The following GFI1B variants were observed in gnomAD, a reference collection of about 807,000 sequenced individuals.
The protein encoded by GFI1B is zinc finger protein Gfi-1b.
A neutral mutation model predicts 35.3 loss-of-function variants in GFI1B; 20 were observed. The observed-to-expected ratio is 0.57, with a 90% CI of 0.40 to 0.82. The LOEUF is 0.82. Among genes scored for constraint, GFI1B ranks in the 40% least tolerant of loss-of-function variants. The pLI, the probability that GFI1B is intolerant of heterozygous loss-of-function variation, is 0.00. For missense variants in GFI1B, 430 were observed against 446.3 expected (o/e 0.96, Z 0.33); for synonymous variants, 178 against 177.6 (o/e 1.00, Z -0.02).
intron 1 of GFI1B, among the ~76,000 whole-genome samples, chr9:132,968,291 AT>A (rs1340726813): frequency 6.6e-6 from 1 of 150,542 alleles, no homozygotes; most frequent in East Asian, 2.0e-4. Flanking sequence ...TTAAAGAAAA[AT>A]TTTTTTTTTA....
chr9:132,984,314 G>A (rs1476875652), intron 1 of GFI1B, among the ~76,000 whole-genome samples: 1 of 152,132 alleles, frequency 6.6e-6, no homozygotes, highest in Non-Finnish European at 1.5e-5. Flanking sequence ...GAAGGAAGGG[G>A]GGTGTGGGGA....
chr9:132,949,043 C>G (rs1848161559), intron 1 of GFI1B, among the ~76,000 whole-genome samples: 2 of 152,202 alleles, frequency 1.3e-5, no homozygotes, highest in Admixed American at 1.3e-4. Context: ...AATGGTTTCC[C>G]CCACTCACTT....
At chr9:132,971,899 G>A (rs1188051420) in intron 1 of GFI1B, among the ~76,000 whole-genome samples, 1 of 151,628 alleles carries the variant, frequency 6.6e-6, no homozygotes, top group African/African-American at 2.4e-5. Context: ...ACTTGAACCA[G>A]GGAGGCAGAG....
chr9:132,993,078 G>A (rs1564183228), downstream of GFI1B, among the ~76,000 whole-genome samples: 1 of 152,138 alleles, frequency 6.6e-6, no homozygotes, highest in Non-Finnish European at 1.5e-5. Context: ...CAGATCACTT[G>A]AGGTCAGGAG....
At chr9:132,954,097 G>T (rs532458596) in intron 1 of GFI1B, among the ~76,000 whole-genome samples, 19 of 152,144 alleles carry the variant, frequency 1.2e-4, no homozygotes, top group African/African-American at 4.6e-4. Flanking sequence ...TTGCTGTAAA[G>T]AATCAATTTT....
intron 1 of GFI1B, among the ~76,000 whole-genome samples, chr9:132,965,091 TTCTC>T (rs1309542704): frequency 2.0e-5 from 3 of 152,216 alleles, no homozygotes; most frequent in East Asian, 3.8e-4. Context: ...TAGAGAGTCT[TTCTC>T]TCTGTTTGTT....
chr9:132,987,048 G>T (rs2132641820), intron 2 of GFI1B, among the ~76,000 whole-genome samples: 2 of 152,320 alleles, frequency 1.3e-5, no homozygotes, highest in Middle Eastern at 6.8e-3. Flanking sequence ...TCTAGGGCTG[G>T]AGTTGGGTTG....
chr9:132,963,787 A>G (rs1207068343), intron 1 of GFI1B: 1 of 152,174 alleles, frequency 6.6e-6, no homozygotes, highest in East Asian at 1.9e-4. Flanking sequence ...TTTGCCCAAA[A>G]GCCTCTCAAA....
At chr9:132,965,652 G>A (rs1848440669) in intron 1 of GFI1B, among the ~76,000 whole-genome samples, 1 of 152,238 alleles carries the variant, frequency 6.6e-6, no homozygotes, top group African/African-American at 2.4e-5. Context: ...CAGAGGCAGA[G>A]ATTGGAGTGG....
At chr9:132,986,441 C>T (rs958265858) in intron 1 of GFI1B, among the ~76,000 whole-genome samples, 2 of 152,144 alleles carry the variant, frequency 1.3e-5, no homozygotes, top group African/African-American at 2.4e-5. Context: ...ATTGAGGGCC[C>T]ATCCTAACCC....
intron 2 of GFI1B, among the ~76,000 whole-genome samples, chr9:132,973,663 T>C (rs1272711335): frequency 6.6e-6 from 1 of 152,028 alleles, no homozygotes; most frequent in African/African-American, 2.4e-5. Context: ...AGGAGGGGGC[T>C]GAAGAGAAAG....
chr9:132,973,823 G>C (rs7858835), upstream of GFI1B, among the ~76,000 whole-genome samples: 11,539 of 152,192 alleles, frequency 0.076, 474 homozygotes, highest in Non-Finnish European at 0.089. Flanking sequence ...TGTTGTTCCT[G>C]CTCAAACCCA....
chr9:132,957,331 A>G (rs2132590602), intron 1 of GFI1B, among the ~76,000 whole-genome samples: 1 of 152,276 alleles, frequency 6.6e-6, no homozygotes, highest in South Asian at 2.1e-4. Flanking sequence ...TCATACATCT[A>G]CCATCCTAGT....
At chr9:132,945,705 A>G (rs183864856) in intron 1 of GFI1B, 10 of 154,230 alleles carry the variant, frequency 6.5e-5, no homozygotes, top group Middle Eastern at 5.2e-4. Context: ...TTTGTGAAAT[A>G]CTAGGTCGGT....
chr9:132,959,794 G>A (rs556267661), intron 1 of GFI1B, among the ~76,000 whole-genome samples: 392 of 152,260 alleles, frequency 2.6e-3, no homozygotes, highest in Non-Finnish European at 4.7e-3. Context: ...CTGTGGCTGC[G>A]TCAGCCCAGT....
chr9:132,964,124 C>T (rs1848413086), intron 1 of GFI1B, among the ~76,000 whole-genome samples: 2 of 152,144 alleles, frequency 1.3e-5, no homozygotes, highest in African/African-American at 4.8e-5. Flanking sequence ...CCTGTAATCC[C>T]AGCTACTTGG....
At chr9:132,968,377 C>T (rs919740548) in intron 1 of GFI1B, among the ~76,000 whole-genome samples, 3 of 152,044 alleles carry the variant, frequency 2.0e-5, no homozygotes, top group Admixed American at 6.5e-5. Context: ...CCACTTCAGC[C>T]TCCCAGAGTG....
chr9:132,948,292 G>A (rs2132578443), intron 1 of GFI1B, among the ~76,000 whole-genome samples: 1 of 152,296 alleles, frequency 6.6e-6, no homozygotes, highest in Non-Finnish European at 1.5e-5. Flanking sequence ...AGCAAGGTGT[G>A]TGACAAGTCG....
Position 132,989,931 on chromosome 9 carries a change from GC to G in GFI1B, c.814+29del, listed in dbSNP as rs34183728. 6.2e-6 allele frequency: 10 copies of G among 1,608,746 alleles called. No homozygotes were observed. Among genetic ancestry groups the G allele is most frequent in the African/African-American group, 1.3e-5 (1 of 74,810 alleles). ...AGGTGAGTGAGTCTCACCTGCCTGT[GC>G]CCCCTGGGCAGAGCACCCCCACCTT... On this transcript the variant is annotated intron_variant, in intron 6 of 6. Transcript: ENST00000372122. The surrounding 1 kb of genome is among the most constrained non-coding windows in gnomAD (Gnocchi z 6.2).
Sources: gnomAD v4.1 joint callset for allele counts (sites outside exome capture counted in the v4.1 genomes callset) on GRCh38, gnomAD v4.1.1 for gene constraint, Gnocchi (gnomAD v3.1) non-coding constraint, MANE v1.5 for transcripts, NCBI Gene and HGNC (gene_info 2026-07-23, HGNC 2026-07-21) for gene names.